The following OPTN variants were observed in gnomAD, a reference collection of about 807,000 sequenced individuals.
OPTN encodes E3-14.7K-interacting protein.
Under a neutral mutation model 70.4 loss-of-function variants are expected in OPTN, and 54 were observed. The observed-to-expected ratio is 0.77, with a 90% CI of 0.62 to 0.96. The LOEUF (loss-of-function observed/expected upper bound fraction) is 0.96. Among genes scored for constraint, OPTN ranks in the 40% least tolerant of loss-of-function variants. The probability of loss-of-function intolerance (pLI) is 0.00; values close to 1 mark genes in which losing one functional copy is unlikely to be tolerated. For missense variants in OPTN, 624 were observed against 673.2 expected, an observed-to-expected ratio of 0.93 and a Z score of 0.81; for synonymous variants, 256 against 248.5, an observed-to-expected ratio of 1.03 and a Z score of -0.28.
chr10:13,130,621 A>G lies in OPTN; in HGVS notation c.1402-1446A>G, dbSNP rs186084830. Among the ~76,000 whole-genome samples, 521 of 152,114 alleles carry G rather than the reference A, an allele frequency of 3.4e-3. 4 individuals carry two copies. Among genetic ancestry groups the G allele is most frequent in the African/African-American group, 0.012 (507 of 41,506 alleles). On this transcript the variant is annotated intron_variant, in intron 12 of 14. Coordinates refer to ENST00000378747, the MANE Select transcript of OPTN (RefSeq NM_001008212.2). ...CACTGTGAGATGCTGAACCACTCAC[A>G]TTGATAGGATATCCCTTAAAATGAT...
intron 2 of OPTN, 131 bp downstream of exon 2, chr10:13,108,420 T>G (rs1010597996): frequency 6.6e-6 from 1 of 152,216 alleles, no homozygotes; most frequent in Non-Finnish European, 1.5e-5. Context: ...ATAAGGAGAT[T>G]TGAATTTGAA....
In OPTN at chr10:13,127,874, C is replaced by T. The variant is rs760304751; in HGVS notation, c.1372C>T (p.Leu458=). 18 of 1,613,996 alleles carry T rather than the reference C, an allele frequency of 1.1e-5. No homozygotes were observed. In the Admixed American group the frequency reaches 3.0e-4, roughly 27 times the overall value. ...AACCATTGCCAAGCAGGAAGAGGAC[C>T]TGGAAACCATGACCATCCTCAGGGC... ...KQTIAKQEED[L]ETMTILRAQM... Residue 458 remains leucine, a synonymous_variant, in exon 12 of 15, where the codon CTG becomes TTG. Coordinates refer to ENST00000378747, the MANE Select transcript of OPTN (RefSeq NM_001008212.2).
Position 13,137,206 on chromosome 10 carries a change from G to A in OPTN, c.*340G>A. 4.9e-6 allele frequency: 2 copies of A among 412,338 alleles called. No homozygotes were observed. The highest frequency in any genetic ancestry group is 9.2e-6 in the Non-Finnish European group (2 of 217,224). 25.5% of individuals were successfully genotyped at this position (412,338 alleles called of 1,614,324 possible). A position where few individuals can be genotyped will look rare whatever the true frequency, so the allele number is the denominator to read the frequency against. On this transcript the variant is annotated 3_prime_UTR_variant, in exon 15 of 15. Coordinates refer to ENST00000378747, the MANE Select transcript of OPTN (RefSeq NM_001008212.2). The stretch of plus-strand genomic sequence containing the variant: ...AGGCAGGAGAATTGCTTGAACCCAG[G>A]AAGTGGCAGTTGCAGTGAGCCGAGA...
intron 4 of OPTN, among the ~76,000 whole-genome samples, chr10:13,111,889 C>G (rs1833010511): frequency 7.5e-6 from 1 of 134,222 alleles, no homozygotes; most frequent in African/African-American, 2.8e-5. Context: ...GCTCTGTTGC[C>G]CAGGCTGGAG....
In OPTN at chr10:13,105,738, G is replaced by C. The variant is rs368638799; in HGVS notation, c.-163-2400G>C. Among the ~76,000 whole-genome samples the C allele has an allele frequency of 4.6e-5, 7 of 152,188 alleles. No individual in the cohort carries two copies. The East Asian group carries it at 1.4e-3, about 29-fold the overall frequency. On this transcript the variant is annotated intron_variant, in intron 1 of 14. Transcript: ENST00000378747. ...AGACTGGCCAACTTGGCAAAACCCT[G>C]TCTCTACTAAAAATACAAAAATTAG...
intron 12 of OPTN, among the ~76,000 whole-genome samples, chr10:13,129,505 A>G (rs1833546306): frequency 6.6e-6 from 1 of 152,082 alleles, no homozygotes; most frequent in Non-Finnish European, 1.5e-5. Context: ...GGCGCACACC[A>G]CCACGCTCAG....
chr10:13,137,124 CA>C lies in OPTN; in HGVS notation c.*263del. On this transcript the variant is annotated 3_prime_UTR_variant, in exon 15 of 15. Coordinates refer to ENST00000378747, the MANE Select transcript of OPTN (RefSeq NM_001008212.2). Reference sequence around the variant, plus strand: ...CGGAACCCTGTCTCTACCAAAATTACAAAAATTAGCCGAGCATGGTGGCGCA... The same window carrying C: ...CGGAACCCTGTCTCTACCAAAATTACAAAATTAGCCGAGCATGGTGGCGCA... 2.1e-6 allele frequency: 1 copy of C among 477,128 alleles called. No homozygotes were observed. The highest frequency in any genetic ancestry group is 3.8e-5 in the East Asian group (1 of 26,306). 29.6% of individuals were successfully genotyped at this position (477,128 alleles called of 1,614,324 possible). A position where few individuals can be genotyped will look rare whatever the true frequency, so the allele number is the denominator to read the frequency against.
At chr10:13,104,604 T>C (rs1832824342) in intron 1 of OPTN, 2 of 670,992 alleles carry the variant, frequency 3.0e-6, no homozygotes, top group Non-Finnish European at 2.8e-6. Context: ...ATGAGGATAC[T>C]GTTTCCTCGT....
chr10:13,110,968 C>T (rs192219970), intron 4 of OPTN, among the ~76,000 whole-genome samples: 27 of 152,200 alleles, frequency 1.8e-4, no homozygotes, highest in Admixed American at 1.8e-3. Context: ...TATCGCATTG[C>T]CACAGATGAA....
chr10:13,112,140 C>G (rs975003410), intron 4 of OPTN, among the ~76,000 whole-genome samples: 2 of 149,612 alleles, frequency 1.3e-5, no homozygotes, highest in African/African-American at 4.9e-5. Flanking sequence ...TGAGCCACCA[C>G]GCCTGGCTTG....
chr10:13,129,601 TG>T (rs1162668925), intron 12 of OPTN, among the ~76,000 whole-genome samples: 1 of 152,192 alleles, frequency 6.6e-6, no homozygotes, highest in Admixed American at 6.5e-5. Flanking sequence ...TCTGCCCAGC[TG>T]GGATTACGGG....
rs1588456190 is a variant in OPTN, at chr10:13,136,654, C to G, written c.1613-91C>G. ...ACTACGTGTTGAATACGAAGTTGAA[C>G]TGATGTTAAAACTCGCCATCTGTTC... is the stretch of plus-strand genomic sequence containing the variant. On this transcript the variant is annotated intron_variant, in intron 14 of 14. Coordinates refer to ENST00000378747, the MANE Select transcript of OPTN (RefSeq NM_001008212.2). 6.6e-6 allele frequency: 10 copies of G among 1,506,394 alleles called. No homozygotes were observed. In the East Asian group the frequency reaches 2.3e-4, roughly 35 times the overall value. 93.3% of individuals were successfully genotyped at this position (1,506,394 alleles called of 1,614,324 possible). A position where few individuals can be genotyped will look rare whatever the true frequency, so the allele number is the denominator to read the frequency against.
chr10:13,126,290 T>TC, intron 11 of OPTN, among the ~76,000 whole-genome samples: 1 of 150,396 alleles, frequency 6.6e-6, no homozygotes, highest in East Asian at 1.9e-4. Flanking sequence ...TTTCTTTTTT[T>TC]TTTTTTTTGA....
At chr10:13,109,699 GTGGTGCACGCCTC>G (rs1832952177) in intron 3 of OPTN, 1 of 180,162 alleles carries the variant, frequency 5.6e-6, no homozygotes, top group Admixed American at 5.5e-5. Flanking sequence ...GCTGGGCGTG[GTGGTGCACGCCTC>G]TGGTCCTAGC....
At chr10:13,127,948 CTG>C (rs1447698569) in intron 12 of OPTN, 45 bp downstream of exon 12, 3 of 1,600,678 alleles carry the variant, frequency 1.9e-6, no homozygotes, top group African/African-American at 2.7e-5. Context: ...CCAGCCCTGA[CTG>C]TATTCTCGCA....
At chr10:13,115,756 C>T (rs1833193199) in intron 5 of OPTN, among the ~76,000 whole-genome samples, 1 of 150,822 alleles carries the variant, frequency 6.6e-6, no homozygotes, top group Non-Finnish European at 1.5e-5. Flanking sequence ...CTTAGACTAT[C>T]TTGTTCCCTA....
Position 13,125,552 on chromosome 10 carries a change from A to C in OPTN, c.1133A>C (p.Lys378Thr). 2 of 1,614,196 alleles carry C rather than the reference A, an allele frequency of 1.2e-6. No homozygotes were observed. Among genetic ancestry groups the C allele is most frequent in the Middle Eastern group, 3.3e-4 (2 of 6,062 alleles). ...TCAGAAATCAAAATGGAACAGGCTA[A>C]AACAGAGGATGAAAAGTGAGTATGT... ...MLSEIKMEQA[K>T]TEDEKSKLTV... Residue 378 changes from lysine to threonine, a missense_variant, in exon 10 of 15, where the codon AAA (lysine) becomes ACA (threonine). Physicochemically the swap from Lys to Thr is moderately conservative, Grantham distance 78. Coordinates refer to ENST00000378747, the MANE Select transcript of OPTN (RefSeq NM_001008212.2).
In OPTN at chr10:13,137,181, A is replaced by T; in HGVS notation, c.*315A>T. The T allele has an allele frequency of 2.3e-6, 1 of 426,508 alleles. No homozygotes were observed. Among genetic ancestry groups the T allele is most frequent in the Non-Finnish European group, 4.4e-6 (1 of 225,564 alleles). 26.4% of individuals were successfully genotyped at this position (426,508 alleles called of 1,614,324 possible). A position where few individuals can be genotyped will look rare whatever the true frequency, so the allele number is the denominator to read the frequency against. ...GTAGTCGCAGCTACTCGCGAGGTTGAGGCAGGAGAATTGCTTGAACCCAGG... is the reference window on the plus strand; with the variant it reads ...GTAGTCGCAGCTACTCGCGAGGTTGTGGCAGGAGAATTGCTTGAACCCAGG... On this transcript the variant is annotated 3_prime_UTR_variant, in exon 15 of 15. Transcript: ENST00000378747.
chr10:13,114,945 A>G (rs867141813), intron 5 of OPTN, among the ~76,000 whole-genome samples: 1 of 2,034 alleles, frequency 4.9e-4, no homozygotes, highest in Non-Finnish European at 1.2e-3. Flanking sequence ...ATATATTTAT[A>G]TATAGATATA....
Sources: gnomAD v4.1 joint callset for allele counts (sites outside exome capture counted in the v4.1 genomes callset) on GRCh38, gnomAD v4.1.1 for gene constraint, MANE v1.5 for transcripts, NCBI Gene and HGNC (gene_info 2026-07-23, HGNC 2026-07-21) for gene names.